The following EYS variants were observed in gnomAD, a reference collection of about 807,000 sequenced individuals.
EYS encodes EGF-like photoreceptor maintenance factor, also known as protein eyes shut homolog.
In EYS, 250 loss-of-function variants were observed where a neutral mutation model predicts 282.1. The ratio of observed to expected loss-of-function variants is 0.89; its 90% CI spans 0.80 to 0.98. The LOEUF is 0.98. EYS is among the 50% of genes least tolerant of loss of function. The pLI is 0.00. For synonymous variants in EYS, 1,355 were observed against 1,282.9 expected (o/e 1.06, Z -1.20); for missense variants, 4,016 against 3,709.0 (o/e 1.08, Z -2.15).
chr6:65,658,691 T>C (rs1178261919), intron 1 of EYS, among the ~76,000 whole-genome samples: 1 of 151,672 alleles, frequency 6.6e-6, no homozygotes, highest in Non-Finnish European at 1.5e-5. Context: ...GAAAGTTAAA[T>C]TTTAAATTAT....
chr6:65,369,370 G>C (rs1213889873), intron 8 of EYS, among the ~76,000 whole-genome samples: 1 of 140,802 alleles, frequency 7.1e-6, no homozygotes, highest in Admixed American at 8.0e-5. Flanking sequence ...AAAGTGCTTA[G>C]TCTGTTCCAA....
intron 19 of EYS, among the ~76,000 whole-genome samples, chr6:64,836,417 A>G: frequency 6.6e-6 from 1 of 151,510 alleles, no homozygotes; most frequent in South Asian, 2.1e-4. Context: ...ATAACTAATG[A>G]AGATCTTTAT....
intron 2 of EYS, among the ~76,000 whole-genome samples, chr6:65,550,874 A>C (rs1768590614): frequency 6.1e-5 from 1 of 16,318 alleles, no homozygotes; most frequent in Non-Finnish European, 8.9e-5. Context: ...TGGCTGGGTC[A>C]AATGGTATTT....
At chr6:64,037,369 A>C (rs746257488) in intron 33 of EYS, among the ~76,000 whole-genome samples, 5 of 152,230 alleles carry the variant, frequency 3.3e-5, no homozygotes, top group Non-Finnish European at 7.4e-5. Context: ...AATTAAATAC[A>C]ATCTAGAAAA....
intron 22 of EYS, among the ~76,000 whole-genome samples, chr6:64,675,128 C>A (rs1769604944): frequency 6.6e-6 from 1 of 152,092 alleles, no homozygotes. Context: ...TAATGCTAAG[C>A]TTTAAGCATT....
intron 22 of EYS, among the ~76,000 whole-genome samples, chr6:64,729,316 C>T (rs79113458): frequency 0.046 from 7,070 of 152,208 alleles, 230 homozygotes; most frequent in East Asian, 0.18. Flanking sequence ...CAAGTATTCA[C>T]TTTCTATCCC....
In EYS at chr6:65,119,253, C is replaced by T. The variant is rs896054707; in HGVS notation, c.2024-61526G>A. 2.6e-5 allele frequency among the ~76,000 whole-genome samples: 4 copies of T among 152,130 alleles called. No homozygotes were observed. The East Asian group carries it at 7.7e-4, about 29-fold the overall frequency. ...TAGCACATAAGGCTTAGGAAGTGGG[C>T]AGCATGCTTGGGAATACCATTATCT... is the stretch of plus-strand genomic sequence containing the variant. On this transcript the variant is annotated intron_variant, in intron 12 of 42. Transcript: ENST00000503581.
In EYS at chr6:65,328,525, T is replaced by C. The variant is rs140045952; in HGVS notation, c.1766+6455A>G. ...GAAAATTATAGTAACCTATAAATGTTACTGATATCTTGAAAATATGTAAAT... is the reference window on the plus strand; with the variant it reads ...GAAAATTATAGTAACCTATAAATGTCACTGATATCTTGAAAATATGTAAAT... On this transcript the variant is annotated intron_variant, in intron 11 of 42. Coordinates refer to ENST00000503581, the MANE Select transcript of EYS (RefSeq NM_001142800.2). Among the ~76,000 whole-genome samples the C allele has an allele frequency of 6.6e-5, 10 of 151,394 alleles. No individual in the cohort carries two copies. The East Asian group carries it at 1.7e-3, about 26-fold the overall frequency.
intron 2 of EYS, among the ~76,000 whole-genome samples, chr6:65,567,150 T>C (rs1315560460): frequency 6.6e-6 from 1 of 151,894 alleles, no homozygotes; most frequent in Non-Finnish European, 1.5e-5. Context: ...TTCCACCTTC[T>C]GCCATGAGAA....
At chr6:64,361,906 G>C (rs1242372408) in intron 29 of EYS, among the ~76,000 whole-genome samples, 1 of 151,814 alleles carries the variant, frequency 6.6e-6, no homozygotes, top group Non-Finnish European at 1.5e-5. Context: ...TGTCATTTAA[G>C]CATTTCCTCA....
chr6:64,510,170 C>T (rs1436416067), intron 26 of EYS, among the ~76,000 whole-genome samples: 2 of 151,970 alleles, frequency 1.3e-5, no homozygotes, highest in African/African-American at 4.8e-5. Context: ...TAAAATGATA[C>T]AACATCTGAA....
At chr6:63,809,685 C>A (rs1324379113) in intron 36 of EYS, among the ~76,000 whole-genome samples, 1 of 151,704 alleles carries the variant, frequency 6.6e-6, no homozygotes, top group Non-Finnish European at 1.5e-5. Context: ...GACATCATCT[C>A]GGGGCATTAA....
intron 31 of EYS, among the ~76,000 whole-genome samples, chr6:64,177,339 T>TAC (rs1484737049): frequency 2.0e-5 from 3 of 151,576 alleles, no homozygotes; most frequent in East Asian, 1.9e-4. Flanking sequence ...ACACTGTATA[T>TAC]ATATATATAT....
intron 12 of EYS, among the ~76,000 whole-genome samples, chr6:65,232,258 A>C (rs190284938): frequency 6.6e-6 from 1 of 152,116 alleles, no homozygotes; most frequent in East Asian, 1.9e-4. Flanking sequence ...CCAAAATTAA[A>C]ATATAAATCC....
At chr6:65,520,891 C>T (rs7763982) in intron 2 of EYS, among the ~76,000 whole-genome samples, 2,101 of 151,994 alleles carry the variant, frequency 0.014, 41 homozygotes, top group African/African-American at 0.047. Context: ...TGCTTGATTG[C>T]ATATTTCTTT....
At chr6:65,595,448 C>A (rs1387297539) in intron 2 of EYS, among the ~76,000 whole-genome samples, 1 of 150,994 alleles carries the variant, frequency 6.6e-6, no homozygotes, top group Non-Finnish European at 1.5e-5. Flanking sequence ...TGCACATGTA[C>A]CCTAGAACTT....
At chr6:63,913,137 C>T (rs1483066936) in intron 35 of EYS, among the ~76,000 whole-genome samples, 1 of 152,138 alleles carries the variant, frequency 6.6e-6, no homozygotes, top group Admixed American at 6.5e-5. Flanking sequence ...TTTTCATATC[C>T]CCTAAAGGGA....
intron 13 of EYS, among the ~76,000 whole-genome samples, chr6:65,018,661 G>GAT (rs1271020985): frequency 2.0e-5 from 3 of 152,088 alleles, no homozygotes; most frequent in Non-Finnish European, 4.4e-5. Flanking sequence ...AGCATAAGAG[G>GAT]TTTTTCTGTA....
intron 35 of EYS, among the ~76,000 whole-genome samples, chr6:63,905,041 A>G (rs947730284): frequency 6.6e-6 from 1 of 152,234 alleles, no homozygotes; most frequent in African/African-American, 2.4e-5. Context: ...ATGCCCATTA[A>G]GCAGTCACTC....
Sources: gnomAD v4.1 joint callset for allele counts (sites outside exome capture counted in the v4.1 genomes callset) on GRCh38, gnomAD v4.1.1 for gene constraint, MANE v1.5 for transcripts, NCBI Gene and HGNC (gene_info 2026-07-23, HGNC 2026-07-21) for gene names.